The following TMEM117 variants were observed in gnomAD, a reference collection of about 807,000 sequenced individuals.
The protein encoded by TMEM117 is transmembrane protein 117.
In TMEM117, 27 loss-of-function variants were observed where a neutral mutation model predicts 52.4. The ratio of observed to expected loss-of-function variants is 0.51; its 90% confidence interval spans 0.38 to 0.71. TMEM117 has a LOEUF of 0.71. Among genes scored for constraint, TMEM117 ranks in the 30% least tolerant of loss-of-function variants. The pLI, the probability that TMEM117 is intolerant of heterozygous loss-of-function variation, is 0.00. For missense variants in TMEM117, 556 were observed against 630.5 expected (o/e 0.88, Z 1.26); for synonymous variants, 215 against 206.3 (o/e 1.04, Z -0.36).
At chr12:44,393,052 T>A (rs1227539257), downstream of TMEM117, among the ~76,000 whole-genome samples, 1 of 152,080 alleles carries the variant, frequency 6.6e-6, no homozygotes, top group Admixed American at 6.6e-5. Flanking sequence ...TCTGAAAAAA[T>A]TTAATGAGAA....
intron 4 of TMEM117, among the ~76,000 whole-genome samples, chr12:44,200,950 G>A (rs74469829): frequency 0.012 from 1,855 of 152,178 alleles, 24 homozygotes; most frequent in South Asian, 0.052. Context: ...AGGAACTAGC[G>A]TGAGAATTTT....
At chr12:43,830,123 A>AGGC in the TMEM117 span, among the ~76,000 whole-genome samples, 10 of 150,136 alleles carry the variant, frequency 6.7e-5, no homozygotes, top group Non-Finnish European at 1.2e-4. Flanking sequence ...GTAGGGGGAC[A>AGGC]GGCAGCAGCA....
intron 3 of TMEM117, among the ~76,000 whole-genome samples, chr12:44,123,686 G>A (rs1026153822): frequency 4.3e-4 from 66 of 152,110 alleles, no homozygotes; most frequent in African/African-American, 1.5e-3. Context: ...GTTTTCGTCA[G>A]GTTTGTCAAA....
chr12:43,937,836 C>T (rs1474762325), intron 2 of TMEM117, among the ~76,000 whole-genome samples: 2 of 152,126 alleles, frequency 1.3e-5, no homozygotes, highest in Admixed American at 6.5e-5. Flanking sequence ...CTGGTCTCTA[C>T]TGTGCTACAG....
At position 44,032,154 on chromosome 12, in the gene TMEM117, CAG is replaced by C. The variant is rs1946642898; in HGVS notation, c.410+87815_410+87816del. Among the ~76,000 whole-genome samples the C allele has an allele frequency of 2.0e-5, 3 of 152,304 alleles. No individual in the cohort carries two copies. In the South Asian group the frequency reaches 6.2e-4, roughly 32 times the overall value. On this transcript the variant is annotated intron_variant, in intron 3 of 7. Coordinates refer to ENST00000266534, the MANE Select transcript of TMEM117 (RefSeq NM_032256.3). ...CTTAATTGAGATTGCTTCTATGGAA[CAG>C]AGTTCCATCAAAGCCAATTTAAAAA...
At chr12:43,917,686 A>G (rs1478226194) in intron 2 of TMEM117, among the ~76,000 whole-genome samples, 1 of 152,120 alleles carries the variant, frequency 6.6e-6, no homozygotes. Context: ...GGGGTTCATA[A>G]TTCTTACCTG....
At chr12:44,359,450 A>T (rs56041151) in intron 6 of TMEM117, among the ~76,000 whole-genome samples, 1,972 of 152,144 alleles carry the variant, frequency 0.013, 58 homozygotes, top group African/African-American at 0.045. Flanking sequence ...ATTATACCAT[A>T]TATTCAATTT....
chr12:44,090,398 T>TTTTATTTATTTA (rs199595783), intron 3 of TMEM117, among the ~76,000 whole-genome samples: 1 of 123,206 alleles, frequency 8.1e-6, no homozygotes, highest in Non-Finnish European at 1.7e-5. Flanking sequence ...TTATCTTACT[T>TTTTATTTATTTA]TTTATTTATT....
intron 5 of TMEM117, among the ~76,000 whole-genome samples, chr12:44,225,993 C>T (rs1217125532): frequency 6.6e-6 from 1 of 151,162 alleles, no homozygotes; most frequent in South Asian, 2.1e-4. Context: ...ATCTGACTAA[C>T]GTCGCAAAAA....
chr12:44,363,009 C>T (rs1951742881), intron 6 of TMEM117, among the ~76,000 whole-genome samples: 2 of 152,000 alleles, frequency 1.3e-5, no homozygotes, highest in Non-Finnish European at 2.9e-5. Flanking sequence ...CATGCCACCA[C>T]ACCCAGCTGT....
the TMEM117 span, among the ~76,000 whole-genome samples, chr12:44,397,480 T>C: frequency 3.9e-5 from 6 of 152,132 alleles, no homozygotes; most frequent in Non-Finnish European, 7.4e-5. Flanking sequence ...ATGAAACAGG[T>C]TTGCATTTTA....
Position 44,214,312 on chromosome 12 carries a change from GT to G in TMEM117, c.608+2933del, listed in dbSNP as rs144986199. ...AGGCACGTACCACCACGCCCAGCTA[GT>G]TTTTTTTGTTGTTGTTTTTTGTTTT... On this transcript the variant is annotated intron_variant, in intron 5 of 7. Coordinates refer to ENST00000266534, the MANE Select transcript of TMEM117 (RefSeq NM_032256.3). 6.8e-3 allele frequency among the ~76,000 whole-genome samples: 1,029 copies of G among 151,152 alleles called. 14 individuals are homozygous for G. The highest frequency in any genetic ancestry group is 0.023 in the African/African-American group (962 of 41,330).
chr12:43,893,416 A>G (rs1466571891), intron 2 of TMEM117, among the ~76,000 whole-genome samples: 1 of 152,232 alleles, frequency 6.6e-6, no homozygotes, highest in Admixed American at 6.5e-5. Flanking sequence ...TGGCTACAGT[A>G]TGTAGTTCAG....
chr12:44,383,915 G>A (rs1952054041), intron 7 of TMEM117, among the ~76,000 whole-genome samples: 1 of 151,922 alleles, frequency 6.6e-6, no homozygotes, highest in Non-Finnish European at 1.5e-5. Context: ...CTAATGTTGA[G>A]ATTTTCTGGC....
chr12:44,146,918 A>G (rs1948650865), intron 4 of TMEM117, among the ~76,000 whole-genome samples: 1 of 152,170 alleles, frequency 6.6e-6, no homozygotes, highest in African/African-American at 2.4e-5. Flanking sequence ...AGGCATATCA[A>G]TATTAATGTG....
intron 5 of TMEM117, among the ~76,000 whole-genome samples, chr12:44,266,526 A>ATATC (rs1257140664): frequency 6.6e-6 from 1 of 152,120 alleles, no homozygotes; most frequent in East Asian, 1.9e-4. Flanking sequence ...TATAAGGCAC[A>ATATC]TATCTGATAA....
chr12:43,836,660 G>T (rs755636662), intron 1 of TMEM117, among the ~76,000 whole-genome samples: 4 of 152,156 alleles, frequency 2.6e-5, no homozygotes, highest in Non-Finnish European at 4.4e-5. Context: ...AAAAAACAAA[G>T]ACTTGGGTGT....
the TMEM117 span, among the ~76,000 whole-genome samples, chr12:43,824,786 G>A: frequency 6.5e-3 from 988 of 152,262 alleles, 5 homozygotes; most frequent in Non-Finnish European, 0.01. Flanking sequence ...AAAATTAGCC[G>A]GGCATGGTGG....
intron 2 of TMEM117, among the ~76,000 whole-genome samples, chr12:43,936,538 A>T (rs914368075): frequency 1.3e-5 from 2 of 152,182 alleles, no homozygotes; most frequent in Non-Finnish European, 2.9e-5. Context: ...ATATAGTGAT[A>T]TGATGAAGAC....
Sources: gnomAD v4.1 joint callset for allele counts (sites outside exome capture counted in the v4.1 genomes callset) on GRCh38, gnomAD v4.1.1 for gene constraint, MANE v1.5 for transcripts, NCBI Gene and HGNC (gene_info 2026-07-23, HGNC 2026-07-21) for gene names.